ATG4B: variants seen among roughly 807,000 people sequenced by gnomAD.
ATG4B encodes the protein cysteine protease ATG4B.
A neutral mutation model predicts 56.6 loss-of-function variants in ATG4B; 29 were observed. The ratio of observed to expected loss-of-function variants is 0.51; its 90% CI spans 0.38 to 0.70. The LOEUF is 0.70. Ranked by LOEUF, ATG4B falls within the 30% of genes least tolerant of loss-of-function variation. ATG4B has a pLI of 0.00. For missense variants in ATG4B, 461 were observed against 515.5 expected (o/e 0.89, Z 1.02); for synonymous variants, 224 against 206.1 (o/e 1.09, Z -0.74).
chr2:241,647,634 A>G (rs925024704), intron 1 of ATG4B, among the ~76,000 whole-genome samples: 1 of 147,652 alleles, frequency 6.8e-6, no homozygotes, highest in Non-Finnish European at 1.5e-5. Flanking sequence ...AAAAAAAAAA[A>G]AAAAAAAAAG....
intron 6 of ATG4B, among the ~76,000 whole-genome samples, chr2:241,657,290 CT>C (rs770740815): frequency 0.012 from 1,588 of 128,328 alleles, 19 homozygotes; most frequent in African/African-American, 0.04. Context: ...TCCTCTCTTT[CT>C]TTTTTTTTTT....
At position 241,653,614 on chromosome 2, in the gene ATG4B, A is replaced by G; in HGVS notation, c.283+4A>G. 1 of 1,561,136 alleles carries G rather than the reference A, an allele frequency of 6.4e-7. No individual in the cohort carries two copies. The highest frequency in any genetic ancestry group is 8.7e-7 in the Non-Finnish European group (1 of 1,152,236). The stretch of plus-strand genomic sequence containing the variant: ...GTGTGCCGGCACCTAGGCCGAGGTG[A>G]GTCACAGCCCTGGGGAGGGCGCATG... On this transcript the variant is annotated splice_donor_region_variant and intron_variant, in intron 4 of 12. Coordinates refer to ENST00000404914, the MANE Select transcript of ATG4B (RefSeq NM_013325.5).
chr2:241,639,382 G>A (rs896642191), intron 1 of ATG4B, among the ~76,000 whole-genome samples: 9 of 152,230 alleles, frequency 5.9e-5, no homozygotes, highest in Non-Finnish European at 1.3e-4. Flanking sequence ...CCCTGCTCCA[G>A]GCTATAGCTC....
intron 1 of ATG4B, among the ~76,000 whole-genome samples, chr2:241,648,617 C>T (rs1575063815): frequency 1.4e-5 from 2 of 147,900 alleles, no homozygotes; most frequent in Admixed American, 1.3e-4. Flanking sequence ...GAAAAAAAAA[C>T]AGGAGCAGAG....
rs574339920 is a variant in ATG4B, at chr2:241,668,304, C to G, written c.811+83C>G. The G allele has an allele frequency of 2.1e-6, 3 of 1,460,346 alleles. No individual in the cohort carries two copies. In the African/African-American group the frequency reaches 4.2e-5, roughly 21 times the overall value. 90.5% of individuals were successfully genotyped at this position (1,460,346 alleles called of 1,614,324 possible). On this transcript the variant is annotated intron_variant, in intron 9 of 12. Transcript: ENST00000404914. The surrounding 1 kb of genome is among the most constrained non-coding windows in gnomAD (Gnocchi z 4.2). ...TGAGCAGGTACCACACCCCAGGTGA[C>G]CACTTGAGGCCACTGGTGGAAAAGC... is the stretch of plus-strand genomic sequence containing the variant.
At position 241,642,871 on chromosome 2, in the gene ATG4B, C is replaced by CTTTTTTTTTTTTTTTTTTTTTTT. The variant is rs1321613822; in HGVS notation, c.10+5147_10+5148insTTTTTTTTTTTTTTTTTTTTTTT. The stretch of plus-strand genomic sequence containing the variant: ...CTTAAGGTGTACAGCACCTCTCCGT[C>CTTTTTTTTTTTTTTTTTTTTTTT]CTTTTTTTTTTTTTTTTTTTTTTTT... On this transcript the variant is annotated intron_variant, in intron 1 of 12. Transcript: ENST00000404914. Among the ~76,000 whole-genome samples, 19 of 98,428 alleles carry CTTTTTTTTTTTTTTTTTTTTTTT rather than the reference C, an allele frequency of 1.9e-4. 8 individuals carry two copies. In the East Asian group the frequency reaches 2.2e-3, roughly 12 times the overall value. The allele number at this position is 98,428 out of a possible 152,430, so 64.6% of individuals were successfully genotyped here. A position where few individuals can be genotyped will look rare whatever the true frequency, so the allele number is the denominator to read the frequency against.
rs528081681 is a variant in ATG4B, at chr2:241,672,527, C to T, written c.*263C>T. The stretch of plus-strand genomic sequence containing the variant: ...GTTAGGAGCTTCCAGAGTGTTCTCT[C>T]GACACTGCCAGCCCCGTGTTAGCAC... On this transcript the variant is annotated 3_prime_UTR_variant, in exon 13 of 13. Coordinates refer to ENST00000404914, the MANE Select transcript of ATG4B (RefSeq NM_013325.5). 8.7e-4 allele frequency: 439 copies of T among 507,004 alleles called. No homozygotes were observed. The highest frequency in any genetic ancestry group is 2.2e-3 in the Middle Eastern group (4 of 1,824). The allele number at this position is 507,004 out of a possible 1,614,324, so 31.4% of individuals were successfully genotyped here.
At chr2:241,639,162 C>G (rs1416661925) in intron 1 of ATG4B, among the ~76,000 whole-genome samples, 2 of 152,216 alleles carry the variant, frequency 1.3e-5, no homozygotes, top group East Asian at 1.9e-4. Flanking sequence ...CCAGCTGTTT[C>G]AAGCGCAGGC....
At chr2:241,669,295 C>T (rs760268047) in intron 10 of ATG4B, among the ~76,000 whole-genome samples, 19 of 152,186 alleles carry the variant, frequency 1.2e-4, no homozygotes, top group Non-Finnish European at 2.6e-4. Flanking sequence ...TCATGAATGA[C>T]GGTGACATGC....
chr2:241,654,697 G>A (rs1181006483), intron 5 of ATG4B, 50 bp downstream of exon 5: 4 of 1,482,338 alleles, frequency 2.7e-6, no homozygotes, highest in Non-Finnish European at 3.7e-6. Context: ...TCTGGAGAGG[G>A]TGGAGTGGTC....
intron 6 of ATG4B, among the ~76,000 whole-genome samples, chr2:241,658,218 A>C (rs1236341839): frequency 6.7e-6 from 1 of 149,670 alleles, no homozygotes; most frequent in Non-Finnish European, 1.5e-5. Context: ...AGGTGGGAGG[A>C]GGAAGGTGGT....
chr2:241,638,300 A>G (rs1328966491), intron 1 of ATG4B: 1 of 152,238 alleles, frequency 6.6e-6, no homozygotes. Flanking sequence ...CGTGACGAGA[A>G]AGAGAAACAG....
intron 11 of ATG4B, 40 bp downstream of exon 11, chr2:241,670,822 C>T: frequency 1.9e-6 from 3 of 1,582,520 alleles, no homozygotes; most frequent in Non-Finnish European, 2.6e-6. Context: ...GCTGAGCCAC[C>T]CAGGGAGACA....
intron 7 of ATG4B, among the ~76,000 whole-genome samples, chr2:241,663,797 A>G (rs927758210): frequency 6.6e-6 from 1 of 151,214 alleles, no homozygotes; most frequent in African/African-American, 2.4e-5. Flanking sequence ...CCTGGGCAAC[A>G]TAGCCAGACG....
In ATG4B at chr2:241,638,370, AGTGTGT is replaced by A. The variant is rs17140263; in HGVS notation, c.10+657_10+662del. 2.0e-5 allele frequency: 3 copies of A among 151,100 alleles called. No homozygotes were observed. In the South Asian group the frequency reaches 6.3e-4, roughly 32 times the overall value. 9.4% of individuals were successfully genotyped at this position (151,100 alleles called of 1,614,324 possible). On this transcript the variant is annotated intron_variant, in intron 1 of 12. Coordinates refer to ENST00000404914, the MANE Select transcript of ATG4B (RefSeq NM_013325.5). The stretch of plus-strand genomic sequence containing the variant: ...TCCTAAGAGAGAGAGAAAGAGAAGG[AGTGTGT>A]GTGTGTGTGTATAGGGAGTGTTGGT...
intron 4 of ATG4B, 150 bp downstream of exon 4, chr2:241,653,760 G>A (rs556737954): frequency 1.5e-6 from 1 of 680,534 alleles, no homozygotes. Flanking sequence ...TGTTTTTCTT[G>A]ATTTAAAAAA....
At position 241,672,766 on chromosome 2, in the gene ATG4B, C is replaced by T. The variant is rs144449124; in HGVS notation, c.*502C>T. The T allele has an allele frequency of 4.7e-3, 785 of 167,896 alleles. 7 individuals are homozygous for T. Among genetic ancestry groups the T allele is most frequent in the African/African-American group, 0.018 (761 of 41,972 alleles). 10.4% of individuals were successfully genotyped at this position (167,896 alleles called of 1,614,324 possible). A position where few individuals can be genotyped will look rare whatever the true frequency, so the allele number is the denominator to read the frequency against. On this transcript the variant is annotated 3_prime_UTR_variant, in exon 13 of 13. Coordinates refer to ENST00000404914, the MANE Select transcript of ATG4B (RefSeq NM_013325.5). ...CTGCTCTCGAGGGGGGCGCGCCCAC[C>T]GCTGTGTCCTCTCTGCCCAGCCTGG...
At chr2:241,644,241 G>A (rs547551078) in intron 1 of ATG4B, among the ~76,000 whole-genome samples, 133 of 152,306 alleles carry the variant, frequency 8.7e-4, no homozygotes, top group African/African-American at 2.6e-3. Flanking sequence ...TACTCAGGAG[G>A]CTGAGGTGGG....
intron 4 of ATG4B, among the ~76,000 whole-genome samples, chr2:241,653,814 G>A (rs948866084): frequency 7.2e-5 from 11 of 151,956 alleles, no homozygotes; most frequent in African/African-American, 2.2e-4. Flanking sequence ...GCAACATGGC[G>A]AGACCCCGTC....
Sources: allele counts gnomAD v4.1 joint callset (sites outside exome capture counted in the v4.1 genomes callset), GRCh38; gene constraint gnomAD v4.1.1; non-coding constraint Gnocchi (gnomAD v3.1); transcripts MANE v1.5; gene names NCBI Gene and HGNC (gene_info 2026-07-23, HGNC 2026-07-21).